AP3B1: variants seen among roughly 807,000 people sequenced by gnomAD.
AP3B1 encodes adaptor related protein complex 3 subunit beta 1, also known as AP-3 complex subunit beta-1.
Under a neutral mutation model 132.5 loss-of-function variants are expected in AP3B1, and 61 were observed. The ratio of observed to expected loss-of-function variants is 0.46; its 90% CI spans 0.37 to 0.57. The LOEUF (loss-of-function observed/expected upper bound fraction) is 0.57. Among genes scored for constraint, AP3B1 ranks in the 20% least tolerant of loss-of-function variants. The pLI is 0.00. For synonymous variants in AP3B1, 388 were observed against 438.3 expected (o/e 0.89, Z 1.43); for missense variants, 1,120 against 1,289.4 (o/e 0.87, Z 2.01).
rs993544324 is a variant in AP3B1, at chr5:78,042,719, A to C, written c.2578-3445T>G. 5 of 164,158 alleles carry C rather than the reference A, an allele frequency of 3.0e-5. No individual in the cohort carries two copies. The East Asian group carries it at 7.3e-4, about 24-fold the overall frequency. The allele number at this position is 164,158 out of a possible 1,614,324, so 10.2% of individuals were successfully genotyped here. Reference sequence around the variant, plus strand: ...GGCAGATCCCAAGTCAACCACACCAAGGATTAAAGTTGAGATACTCTTATA... The same window carrying C: ...GGCAGATCCCAAGTCAACCACACCACGGATTAAAGTTGAGATACTCTTATA... On this transcript the variant is annotated intron_variant, in intron 22 of 26. Transcript: ENST00000255194.
At chr5:78,127,452 AT>A (rs1046436529) in intron 17 of AP3B1, among the ~76,000 whole-genome samples, 7 of 152,030 alleles carry the variant, frequency 4.6e-5, no homozygotes, top group Non-Finnish European at 7.4e-5. Flanking sequence ...AATGGCCAGC[AT>A]TTTTTTTAAA....
intron 22 of AP3B1, among the ~76,000 whole-genome samples, chr5:78,082,797 C>T (rs957467219): frequency 2.0e-5 from 3 of 151,504 alleles, no homozygotes; most frequent in African/African-American, 7.3e-5. Flanking sequence ...GGTATTATGA[C>T]ATTTGGGGAT....
intron 7 of AP3B1, 73 bp downstream of exon 7, chr5:78,215,982 T>A: frequency 6.7e-7 from 1 of 1,487,342 alleles, no homozygotes. Context: ...TACTCCTAAT[T>A]TTTTGCCCAA....
At chr5:78,272,694 T>C (rs563463293) in intron 1 of AP3B1, among the ~76,000 whole-genome samples, 5 of 152,348 alleles carry the variant, frequency 3.3e-5, no homozygotes, top group South Asian at 2.1e-4. Flanking sequence ...GCAATTTTAA[T>C]AGCACAGTTT....
chr5:78,060,622 T>C (rs368727455), intron 22 of AP3B1, among the ~76,000 whole-genome samples: 57 of 152,306 alleles, frequency 3.7e-4, no homozygotes, highest in African/African-American at 1.3e-3. Context: ...TGAACTCTTG[T>C]GTTTACATGA....
chr5:78,087,412 T>C (rs911948205), intron 22 of AP3B1: 4 of 500,316 alleles, frequency 8.0e-6, no homozygotes, highest in Admixed American at 1.3e-4. Context: ...TTAGGAGCCA[T>C]GACATTCTGC....
intron 22 of AP3B1, among the ~76,000 whole-genome samples, chr5:78,069,177 C>G (rs1233465971): frequency 6.6e-6 from 1 of 152,212 alleles, no homozygotes; most frequent in Non-Finnish European, 1.5e-5. Context: ...AAGCTGGAAG[C>G]ATTCCCATTG....
At chr5:78,231,042 C>T (rs537037754) in intron 3 of AP3B1, among the ~76,000 whole-genome samples, 14 of 152,046 alleles carry the variant, frequency 9.2e-5, no homozygotes, top group African/African-American at 3.4e-4. Flanking sequence ...ATTGCTGGAA[C>T]CCGGGAGGCA....
intron 14 of AP3B1, among the ~76,000 whole-genome samples, chr5:78,146,788 T>G (rs532589576): frequency 2.0e-5 from 3 of 152,180 alleles, no homozygotes; most frequent in African/African-American, 7.2e-5. Context: ...AGAAAAAAGT[T>G]TGCATTTCTT....
At chr5:78,064,425 T>C (rs1332616588) in intron 22 of AP3B1, among the ~76,000 whole-genome samples, 3 of 152,224 alleles carry the variant, frequency 2.0e-5, no homozygotes, top group African/African-American at 7.2e-5. Context: ...TTGTTAATCC[T>C]GACTCAGTGA....
chr5:78,233,237 CT>C (rs71613940), intron 3 of AP3B1, among the ~76,000 whole-genome samples: 86 of 139,248 alleles, frequency 6.2e-4, no homozygotes, highest in Admixed American at 8.6e-4. Context: ...TTTCTTTTTT[CT>C]TTTTTTTTTT....
At chr5:78,106,449 C>T (rs1453535343) in intron 20 of AP3B1, among the ~76,000 whole-genome samples, 1 of 150,536 alleles carries the variant, frequency 6.6e-6, no homozygotes, top group Non-Finnish European at 1.5e-5. Context: ...CAGAGCAAGA[C>T]TCTGTCTCAA....
intron 1 of AP3B1, among the ~76,000 whole-genome samples, chr5:78,291,154 A>G (rs1014763055): frequency 2.6e-5 from 4 of 152,106 alleles, no homozygotes; most frequent in Admixed American, 1.3e-4. Flanking sequence ...AAATTCAGAA[A>G]ACAAAAATTG....
At chr5:78,249,921 T>C (rs182506225) in intron 2 of AP3B1, among the ~76,000 whole-genome samples, 1 of 152,188 alleles carries the variant, frequency 6.6e-6, no homozygotes, top group African/African-American at 2.4e-5. Flanking sequence ...AACTTCTGGC[T>C]CTTTCTTCTG....
Position 78,039,143 on chromosome 5 carries a change from T to C in AP3B1, c.2709A>G (p.Gln903=), listed in dbSNP as rs774631707. ...CIFGDKMVSI[Q]ITLNNTTDRK... is the part of the protein sequence containing the mutation. The stretch of plus-strand genomic sequence containing the variant: ...GATCAGTAGTGTTATTCAGTGTTAT[T>C]TGTATAGAGACCATCTTATCACCAA... Residue 903 remains glutamine, a synonymous_variant, in exon 23 of 27, where the codon CAA becomes CAG. Transcript: ENST00000255194. 2.2e-4 allele frequency: 350 copies of C among 1,613,670 alleles called. No individual in the cohort carries two copies. The highest frequency in any genetic ancestry group is 2.8e-4 in the Non-Finnish European group (334 of 1,179,688).
chr5:78,166,622 A>G (rs1251638773), intron 11 of AP3B1, among the ~76,000 whole-genome samples: 1 of 152,236 alleles, frequency 6.6e-6, no homozygotes, highest in African/African-American at 2.4e-5. Context: ...AAAATAGAAG[A>G]GACAAACAGA....
At chr5:78,274,424 C>T (rs1748685184) in intron 1 of AP3B1, among the ~76,000 whole-genome samples, 1 of 150,760 alleles carries the variant, frequency 6.6e-6, no homozygotes. Context: ...TTCTAACATA[C>T]CTCTAATTAG....
intron 22 of AP3B1, among the ~76,000 whole-genome samples, chr5:78,058,274 G>C (rs1451909914): frequency 6.6e-6 from 1 of 152,132 alleles, no homozygotes; most frequent in African/African-American, 2.4e-5. Context: ...GGCCGAGGTG[G>C]GCAGATCGCG....
At chr5:78,056,183 C>A (rs986903130) in intron 22 of AP3B1, among the ~76,000 whole-genome samples, 3 of 152,162 alleles carry the variant, frequency 2.0e-5, no homozygotes, top group African/African-American at 4.8e-5. Context: ...CAGGAAACTG[C>A]ATGGGGTATG....
Sources: gnomAD v4.1 joint callset for allele counts (sites outside exome capture counted in the v4.1 genomes callset) on GRCh38, gnomAD v4.1.1 for gene constraint, MANE v1.5 for transcripts, NCBI Gene and HGNC (gene_info 2026-07-23, HGNC 2026-07-21) for gene names.